Variants in TTBK1 observed in about 807,000 individuals in gnomAD.
TTBK1 encodes the protein tau-tubulin kinase 1.
A neutral mutation model predicts 108.5 loss-of-function variants in TTBK1; 34 were observed. The observed-to-expected ratio is 0.31, with a 90% confidence interval of 0.24 to 0.42. The LOEUF (loss-of-function observed/expected upper bound fraction) is 0.42. Among genes scored for constraint, TTBK1 ranks in the 10% least tolerant of loss-of-function variants. The pLI, the probability that TTBK1 is intolerant of heterozygous loss-of-function variation, is 1.00. For missense variants in TTBK1, 1,539 were observed against 1,826.0 expected (o/e 0.84, Z 2.86); for synonymous variants, 809 against 795.1 (o/e 1.02, Z -0.29).
At chr6:43,279,151 C>G (rs762926631) in intron 13 of TTBK1, among the ~76,000 whole-genome samples, 2 of 152,170 alleles carry the variant, frequency 1.3e-5, no homozygotes, top group Non-Finnish European at 2.9e-5. Context: ...GTTCTCATTC[C>G]TCCTCTCTCC....
Position 43,265,181 on chromosome 6 carries a change from T to C in TTBK1, c.1986+1831T>C, listed in dbSNP as rs190325335. Among the ~76,000 whole-genome samples the C allele has an allele frequency of 1.3e-5, 2 of 152,190 alleles. No individual in the cohort carries two copies. The highest frequency in any genetic ancestry group is 4.8e-5 in the African/African-American group (2 of 41,524). On this transcript the variant is annotated intron_variant, in intron 13 of 14. Coordinates refer to ENST00000259750, the MANE Select transcript of TTBK1 (RefSeq NM_032538.3). This position sits in a 1 kb window ranked among gnomAD's most constrained non-coding sequence, Gnocchi z 4.1. ...CTCAGGGGCTGTGCCGCGTTCCACA[T>C]AGTGGTCCCACATTGGGGGCGTACA... is the stretch of plus-strand genomic sequence containing the variant.
chr6:43,269,219 C>T lies in TTBK1; in HGVS notation c.1986+5869C>T, dbSNP rs1053657477. Among the ~76,000 whole-genome samples, 12 of 152,224 alleles carry T rather than the reference C, an allele frequency of 7.9e-5. No homozygotes were observed. The highest frequency in any genetic ancestry group is 2.9e-4 in the African/African-American group (12 of 41,450). On this transcript the variant is annotated intron_variant, in intron 13 of 14. Transcript: ENST00000259750. The surrounding 1 kb of genome is among the most constrained non-coding windows in gnomAD (Gnocchi z 4.8). Reference sequence around the variant, plus strand: ...AGTTTCTGAGCCCTAATGAGTAGCACGGAATCTAGCTGGGGAGACATGCCA... The same window carrying T: ...AGTTTCTGAGCCCTAATGAGTAGCATGGAATCTAGCTGGGGAGACATGCCA...
chr6:43,283,962 G>C lies in TTBK1; in HGVS notation c.3222G>C (p.Ser1074=). Residue 1074 remains serine (S), a synonymous_variant, in exon 14 of 15, where the codon TCG becomes TCC. Transcript: ENST00000259750. This position sits in a 1 kb window ranked among gnomAD's most constrained non-coding sequence, Gnocchi z 8.1. Reference sequence around the variant, plus strand: ...GCTCGGAGCCCTCAGGCTCACTGTCGGCCAAAGAGCGGTGGAGCAAGCGGG... The same window carrying C: ...GCTCGGAGCCCTCAGGCTCACTGTCCGCCAAAGAGCGGTGGAGCAAGCGGG... ...DTGSEPSGSL[S]AKERWSKRAR... The C allele has an allele frequency of 6.2e-7, 1 of 1,612,202 alleles. No homozygotes were observed. Among genetic ancestry groups the C allele is most frequent in the South Asian group, 1.1e-5 (1 of 90,992 alleles).
chr6:43,268,016 G>A (rs1350156949), intron 13 of TTBK1, among the ~76,000 whole-genome samples: 2 of 152,222 alleles, frequency 1.3e-5, no homozygotes, highest in Non-Finnish European at 2.9e-5. Context: ...AGATAACAGA[G>A]CACTCTTATC....
At chr6:43,270,213 T>G in intron 13 of TTBK1, 2 of 1,302,440 alleles carry the variant, frequency 1.5e-6, no homozygotes, top group Non-Finnish European at 9.7e-7. Context: ...GTGGTACAGT[T>G]TCCAGGACAG....
rs1224581565 is a variant in TTBK1 at position 43,282,580 on chromosome 6, C to T, written c.1987-147C>T. 1.5e-6 allele frequency: 1 copy of T among 671,496 alleles called. No homozygotes were observed. The highest frequency in any genetic ancestry group is 2.6e-6 in the Non-Finnish European group (1 of 386,520). The allele number at this position is 671,496 out of a possible 1,614,324, so 41.6% of individuals were successfully genotyped here. Reference sequence around the variant, plus strand: ...GGGACAGAGCAGTGAACAAGACAGACCCAGTGCCTGTGCTTAACTTTATGG... The same window carrying T: ...GGGACAGAGCAGTGAACAAGACAGATCCAGTGCCTGTGCTTAACTTTATGG... On this transcript the variant is annotated intron_variant, in intron 13 of 14. Coordinates refer to ENST00000259750, the MANE Select transcript of TTBK1 (RefSeq NM_032538.3). This position sits in a 1 kb window ranked among gnomAD's most constrained non-coding sequence, Gnocchi z 5.4.
rs1239011633 is a variant in TTBK1, at chr6:43,269,739, G to C, written c.1986+6389G>C. The C allele has an allele frequency of 6.2e-7, 1 of 1,608,222 alleles. No individual in the cohort carries two copies. The highest frequency in any genetic ancestry group is 8.5e-7 in the Non-Finnish European group (1 of 1,179,384). On this transcript the variant is annotated intron_variant, in intron 13 of 14. Coordinates refer to ENST00000259750, the MANE Select transcript of TTBK1 (RefSeq NM_032538.3). This position sits in a 1 kb window ranked among gnomAD's most constrained non-coding sequence, Gnocchi z 4.8. ...GTTCTCCTCCTCCACGCTGGAGACG[G>C]AGCATTACCCTCACCCCGGCGGCGG... is the stretch of plus-strand genomic sequence containing the variant.
chr6:43,260,486 C>A (rs1465271127), intron 12 of TTBK1, among the ~76,000 whole-genome samples: 1 of 152,188 alleles, frequency 6.6e-6, no homozygotes, highest in Non-Finnish European at 1.5e-5. Context: ...GGAGGGGTAT[C>A]CTTTCTGGCA....
chr6:43,285,226 G>A lies in TTBK1; in HGVS notation c.3816G>A (p.Pro1272=). 5 of 1,299,564 alleles carry A rather than the reference G, an allele frequency of 3.8e-6. No individual in the cohort carries two copies. Among genetic ancestry groups the A allele is most frequent in the Non-Finnish European group, 4.9e-6 (5 of 1,026,824 alleles). 80.5% of individuals were successfully genotyped at this position (1,299,564 alleles called of 1,614,324 possible). A position where few individuals can be genotyped will look rare whatever the true frequency, so the allele number is the denominator to read the frequency against. ...ACCAGGCCCGGCCCGGGGTCCCCCC[G>A]CCCCGGGGCGTCCCGCCGGCCCGGG... is the stretch of plus-strand genomic sequence containing the variant. ...PSHQARPGVP[P]PRGVPPARAQ... Residue 1272 remains proline (P), a synonymous_variant, in exon 15 of 15, where the codon CCG becomes CCA. Coordinates refer to ENST00000259750, the MANE Select transcript of TTBK1 (RefSeq NM_032538.3). The surrounding 1 kb of genome is among the most constrained non-coding windows in gnomAD (Gnocchi z 4.7).
intron 12 of TTBK1, among the ~76,000 whole-genome samples, chr6:43,262,414 A>G (rs568228016): frequency 2.8e-4 from 42 of 152,292 alleles, no homozygotes; most frequent in Admixed American, 2.3e-3. Flanking sequence ...GGGTGTGAGC[A>G]CTGGAGAGGC....
At chr6:43,255,237 A>G in intron 7 of TTBK1, 123 bp downstream of exon 7, 1 of 918,490 alleles carries the variant, frequency 1.1e-6, no homozygotes, top group Non-Finnish European at 1.7e-6. Flanking sequence ...GCCACCCCAG[A>G]GACCCTGGGC....
At chr6:43,284,436 C>T (rs1778303578) in intron 14 of TTBK1, 124 bp downstream of exon 14, 6 of 1,084,336 alleles carry the variant, frequency 5.5e-6, no homozygotes, top group Non-Finnish European at 7.2e-6. Context: ...GTGACACCTC[C>T]TGTCCAGCAC....
At chr6:43,281,583 G>C (rs950172003) in intron 13 of TTBK1, among the ~76,000 whole-genome samples, 8 of 152,110 alleles carry the variant, frequency 5.3e-5, no homozygotes, top group African/African-American at 1.9e-4. Context: ...GTGGGCCTGG[G>C]GTAGCAGACA....
chr6:43,254,308 A>G (rs574524293), intron 5 of TTBK1, among the ~76,000 whole-genome samples: 1 of 152,362 alleles, frequency 6.6e-6, no homozygotes, highest in Admixed American at 6.5e-5. Flanking sequence ...AATCTCAGAG[A>G]TGCTTCCTAA....
In TTBK1 at chr6:43,269,963, C is replaced by T; in HGVS notation, c.1986+6613C>T. ...CCCACAAGACCTAGGCTGGGCCCCC[C>T]CCCTCCTGGAGGGGGCAGGTGGGGG... On this transcript the variant is annotated intron_variant, in intron 13 of 14. Transcript: ENST00000259750. This position sits in a 1 kb window ranked among gnomAD's most constrained non-coding sequence, Gnocchi z 4.8. The T allele has an allele frequency of 7.0e-7, 1 of 1,435,206 alleles. No individual in the cohort carries two copies. Among genetic ancestry groups the T allele is most frequent in the Non-Finnish European group, 9.1e-7 (1 of 1,098,416 alleles). 88.9% of individuals were successfully genotyped at this position (1,435,206 alleles called of 1,614,324 possible).
intron 10 of TTBK1, 149 bp downstream of exon 10, chr6:43,258,115 C>A: frequency 3.4e-6 from 3 of 883,778 alleles, no homozygotes; most frequent in Non-Finnish European, 4.9e-6. Context: ...GGAAACTCTG[C>A]CACATCTCCA....
Position 43,253,472 on chromosome 6 carries a change from C to T in TTBK1, c.331-96C>T. 1.3e-6 allele frequency: 2 copies of T among 1,596,190 alleles called. No individual in the cohort carries two copies. The highest frequency in any genetic ancestry group is 1.7e-6 in the Non-Finnish European group (2 of 1,169,964). Reference sequence around the variant, plus strand: ...TGGCCCTGGGAAAGGGCAGTGGGCACAACCCTTTGGGGTGAGGCTGGGAAG... The same window carrying T: ...TGGCCCTGGGAAAGGGCAGTGGGCATAACCCTTTGGGGTGAGGCTGGGAAG... On this transcript the variant is annotated intron_variant, in intron 4 of 14. Transcript: ENST00000259750. This position sits in a 1 kb window ranked among gnomAD's most constrained non-coding sequence, Gnocchi z 5.8.
Position 43,269,602 on chromosome 6 carries a change from C to A in TTBK1, c.1986+6252C>A. On this transcript the variant is annotated intron_variant, in intron 13 of 14. Coordinates refer to ENST00000259750, the MANE Select transcript of TTBK1 (RefSeq NM_032538.3). The surrounding 1 kb of genome is among the most constrained non-coding windows in gnomAD (Gnocchi z 4.8). ...CGGAGACGGAGCTGTCGAGTCTGTG[C>A]CTGACACCTCTTTTCCCTCCACTTT... The A allele has an allele frequency of 6.3e-7, 1 of 1,581,714 alleles. No individual in the cohort carries two copies. The highest frequency in any genetic ancestry group is 8.6e-7 in the Non-Finnish European group (1 of 1,161,084).
Position 43,276,109 on chromosome 6 carries a change from G to A in TTBK1, c.1987-6618G>A, listed in dbSNP as rs372267285. On this transcript the variant is annotated intron_variant, in intron 13 of 14. Transcript: ENST00000259750. The surrounding 1 kb of genome is among the most constrained non-coding windows in gnomAD (Gnocchi z 5.4). ...GGATTAGCGAGAGGACCCTCGCGGA[G>A]GTCCTGAGTCCCAGTCGGTTTATTC... Among the ~76,000 whole-genome samples the A allele has an allele frequency of 1.3e-5, 2 of 152,108 alleles. No homozygotes were observed. The highest frequency in any genetic ancestry group is 1.9e-4 in the East Asian group (1 of 5,170).
Sources: allele counts gnomAD v4.1 joint callset (sites outside exome capture counted in the v4.1 genomes callset), GRCh38; gene constraint gnomAD v4.1.1; non-coding constraint Gnocchi (gnomAD v3.1); transcripts MANE v1.5; gene names NCBI Gene and HGNC (gene_info 2026-07-23, HGNC 2026-07-21).